The following TRAF3IP1 variants were observed in gnomAD, a reference collection of about 807,000 sequenced individuals.
The protein encoded by TRAF3IP1 is intraflagellar transport 54, also known as TRAF3-interacting protein 1.
TRAF3IP1 carries 53 observed loss-of-function variants against 89.9 expected under a neutral mutation model. That is an observed-to-expected ratio of 0.59 (90% CI 0.47 to 0.74). The LOEUF is 0.74. Among genes scored for constraint, TRAF3IP1 ranks in the 30% least tolerant of loss-of-function variants. The probability of loss-of-function intolerance (pLI) is 0.00; values close to 1 mark genes in which losing one functional copy is unlikely to be tolerated. For synonymous variants in TRAF3IP1, 311 were observed against 322.1 expected, an observed-to-expected ratio of 0.97 and a Z score of 0.37; for missense variants, 806 against 866.1, an observed-to-expected ratio of 0.93 and a Z score of 0.87.
At chr2:238,361,054 T>G (rs1220626225) in intron 15 of TRAF3IP1, among the ~76,000 whole-genome samples, 1 of 152,000 alleles carries the variant, frequency 6.6e-6, no homozygotes, top group African/African-American at 2.4e-5. Context: ...AAAAACTTTT[T>G]TTTTTTTTTG....
intron 15 of TRAF3IP1, among the ~76,000 whole-genome samples, chr2:238,359,341 C>T (rs1269960420): frequency 1.3e-5 from 2 of 152,196 alleles, no homozygotes; most frequent in Non-Finnish European, 2.9e-5. Flanking sequence ...AGCCCATCCT[C>T]CAGCCCATCT....
In TRAF3IP1 at chr2:238,346,323, C is replaced by T. The variant is rs552459514; in HGVS notation, c.1262-1132C>T. On this transcript the variant is annotated intron_variant, in intron 9 of 16. Transcript: ENST00000373327. ...GTGGCACTATCTGGAACCACATTCT[C>T]CAGCCCCCTGCTAACCACTGTGCCC... Among the ~76,000 whole-genome samples the T allele has an allele frequency of 7.9e-5, 12 of 152,300 alleles. No individual in the cohort carries two copies. In the East Asian group the frequency reaches 2.1e-3, roughly 27 times the overall value.
At chr2:238,357,345 A>T (rs189337672) in intron 15 of TRAF3IP1, among the ~76,000 whole-genome samples, 7 of 152,352 alleles carry the variant, frequency 4.6e-5, no homozygotes, top group African/African-American at 1.7e-4. Context: ...TTGGATATTT[A>T]GCCTAATAAC....
intron 15 of TRAF3IP1, among the ~76,000 whole-genome samples, chr2:238,388,654 A>T (rs113401137): frequency 7.0e-6 from 1 of 143,688 alleles, no homozygotes; most frequent in African/African-American, 2.6e-5. Context: ...CTGGAGTGCA[A>T]TGGCGTGATC....
chr2:238,373,967 G>A (rs1424819305), intron 15 of TRAF3IP1, among the ~76,000 whole-genome samples: 3 of 152,110 alleles, frequency 2.0e-5, no homozygotes, highest in Non-Finnish European at 2.9e-5. Context: ...TCTGATTTTT[G>A]CACATTGATT....
chr2:238,334,891 A>G (rs6738888), intron 7 of TRAF3IP1, among the ~76,000 whole-genome samples: 110,647 of 152,106 alleles, frequency 0.73, 40,473 homozygotes, highest in Middle Eastern at 0.79. Flanking sequence ...GCCCTTAATG[A>G]CCCTTCACCC....
At chr2:238,326,104 C>A in intron 3 of TRAF3IP1, 134 bp downstream of exon 3, 1 of 775,342 alleles carries the variant, frequency 1.3e-6, no homozygotes. Flanking sequence ...TGCTTTGAAT[C>A]TGATCCCACC....
intron 8 of TRAF3IP1, among the ~76,000 whole-genome samples, chr2:238,339,629 C>T (rs965320327): frequency 5.3e-5 from 8 of 152,252 alleles, no homozygotes; most frequent in Non-Finnish European, 7.3e-5. Flanking sequence ...GGCCTTGAGC[C>T]AGCCACGTGA....
chr2:238,380,170 A>G (rs929695349), intron 15 of TRAF3IP1, among the ~76,000 whole-genome samples: 2 of 152,124 alleles, frequency 1.3e-5, no homozygotes, highest in East Asian at 1.9e-4. Context: ...TCCCCTCTCA[A>G]TTAGGATCAG....
In TRAF3IP1 at chr2:238,330,071, C is replaced by A. The variant is rs545907582; in HGVS notation, c.915+729C>A. On this transcript the variant is annotated intron_variant, in intron 5 of 16. Coordinates refer to ENST00000373327, the MANE Select transcript of TRAF3IP1 (RefSeq NM_015650.4). Reference sequence around the variant, plus strand: ...CTTCTCCCGTGCGTGTCGTTTGTGTCATTTGTGTCACTCTCAGTATTGCTC... The same window carrying A: ...CTTCTCCCGTGCGTGTCGTTTGTGTAATTTGTGTCACTCTCAGTATTGCTC... 2.2e-4 allele frequency among the ~76,000 whole-genome samples: 33 copies of A among 152,264 alleles called. No homozygotes were observed. The South Asian group carries it at 6.8e-3, about 32-fold the overall frequency.
intron 15 of TRAF3IP1, among the ~76,000 whole-genome samples, chr2:238,374,919 AG>A (rs1396216725): frequency 6.6e-6 from 1 of 152,004 alleles, no homozygotes; most frequent in Non-Finnish European, 1.5e-5. Flanking sequence ...ATTTGTGTAG[AG>A]GTGTTTATAG....
intron 8 of TRAF3IP1, among the ~76,000 whole-genome samples, chr2:238,341,409 T>C (rs1299335197): frequency 1.3e-5 from 2 of 151,758 alleles, no homozygotes; most frequent in Non-Finnish European, 2.9e-5. Context: ...CATGCAGCTT[T>C]AAAAAAAAGT....
At chr2:238,353,143 C>T (rs1410014742) in intron 13 of TRAF3IP1, 30 bp from the exon 14 acceptor site, 6 of 1,613,910 alleles carry the variant, frequency 3.7e-6, no homozygotes, top group Non-Finnish European at 5.1e-6. Flanking sequence ...AAGCCTGAAT[C>T]TTCTTTTTCC....
At chr2:238,332,974 T>G in intron 6 of TRAF3IP1, 79 bp downstream of exon 6, 482 of 987,090 alleles carry the variant, frequency 4.9e-4, no homozygotes, top group Non-Finnish European at 7.0e-4. Context: ...GCTCCCCGGG[T>G]CCACTGAGGC....
At position 238,351,422 on chromosome 2, in the gene TRAF3IP1, T is replaced by C. The variant is rs1157866726; in HGVS notation, c.1452-1405T>C. On this transcript the variant is annotated intron_variant, in intron 12 of 16. Transcript: ENST00000373327. The surrounding 1 kb of genome is among the most constrained non-coding windows in gnomAD (Gnocchi z 5.2). Reference sequence around the variant, plus strand: ...GCCGAAGCAAGCATAAGGAAATTACTGACCTTCCCTCTGGGCCCGTGACAA... The same window carrying C: ...GCCGAAGCAAGCATAAGGAAATTACCGACCTTCCCTCTGGGCCCGTGACAA... Among the ~76,000 whole-genome samples the C allele has an allele frequency of 6.6e-6, 1 of 152,054 alleles. No homozygotes were observed. The highest frequency in any genetic ancestry group is 1.5e-5 in the Non-Finnish European group (1 of 68,002).
chr2:238,342,213 T>C (rs1267037311), intron 8 of TRAF3IP1, among the ~76,000 whole-genome samples: 1 of 152,198 alleles, frequency 6.6e-6, no homozygotes, highest in Non-Finnish European at 1.5e-5. Context: ...GGTCTCAAAC[T>C]CCTGAGCTCA....
intron 15 of TRAF3IP1, among the ~76,000 whole-genome samples, chr2:238,380,265 T>C (rs1325598075): frequency 6.6e-6 from 1 of 152,282 alleles, no homozygotes; most frequent in Non-Finnish European, 1.5e-5. Context: ...GCCTTCCAGC[T>C]TCTCAGAGGG....
chr2:238,398,528 G>A (rs1361332089), intron 16 of TRAF3IP1, among the ~76,000 whole-genome samples: 1 of 152,002 alleles, frequency 6.6e-6, no homozygotes, highest in Non-Finnish European at 1.5e-5. Context: ...TGTAATTTAA[G>A]GACTTCAAGA....
chr2:238,385,180 T>C (rs755827341), intron 15 of TRAF3IP1, among the ~76,000 whole-genome samples: 9 of 152,062 alleles, frequency 5.9e-5, no homozygotes, highest in Non-Finnish European at 1.3e-4. Flanking sequence ...CACGCCCGGC[T>C]AATTTTTTGT....
Sources: allele counts gnomAD v4.1 joint callset (sites outside exome capture counted in the v4.1 genomes callset), GRCh38; gene constraint gnomAD v4.1.1; non-coding constraint Gnocchi (gnomAD v3.1); transcripts MANE v1.5; gene names NCBI Gene and HGNC (gene_info 2026-07-23, HGNC 2026-07-21).